The following MRGPRX4 variants were observed in gnomAD, a reference collection of about 807,000 sequenced individuals.
The protein encoded by MRGPRX4 is mas-related G protein-coupled receptor member X4.
MRGPRX4 carries 13 observed loss-of-function variants against 17.8 expected under a neutral mutation model. The observed-to-expected ratio is 0.73, with a 90% CI of 0.48 to 1.16. The LOEUF is 1.16. Among genes scored for constraint, MRGPRX4 ranks in the 50% most tolerant of loss-of-function variants. The pLI is 0.00. For missense variants in MRGPRX4, 399 were observed against 405.0 expected, an observed-to-expected ratio of 0.99 and a Z score of 0.13; for synonymous variants, 192 against 175.3, an observed-to-expected ratio of 1.10 and a Z score of -0.75.
In MRGPRX4 at chr11:18,173,365, A is replaced by G. The variant is rs151238670; in HGVS notation, c.109A>G (p.Ile37Val). The G allele has an allele frequency of 1.8e-4, 293 of 1,613,932 alleles. No homozygotes were observed. The highest frequency in any genetic ancestry group is 2.0e-4 in the African/African-American group (15 of 74,850). Residue 37 changes from isoleucine to valine, a missense_variant, in exon 1 of 1, where the codon ATT (isoleucine) becomes GTT (valine). Ile to Val is a conservative substitution (Grantham distance 29). Coordinates refer to ENST00000314254, the MANE Select transcript of MRGPRX4 (RefSeq NM_054032.3). ...GAGCTTCACGGTGCTGACGTGCATCATTTCCCTTGTCGGACTGACAGGAAA... is the reference window on the plus strand; with the variant it reads ...GAGCTTCACGGTGCTGACGTGCATCGTTTCCCTTGTCGGACTGACAGGAAA... ...TLSFTVLTCIISLVGLTGNAV... is the reference protein window; with the variant it reads ...TLSFTVLTCIVSLVGLTGNAV...
chr11:18,173,657 G>A lies in MRGPRX4; in HGVS notation c.401G>A (p.Arg134His), dbSNP rs754982763. Residue 134 changes from arginine to histidine, a missense_variant, in exon 1 of 1, where the codon CGC (arginine) becomes CAC (histidine). Transcript: ENST00000314254. Reference sequence around the variant, plus strand: ...TGGCCCATCTGGTACCGCTGCCGCCGCCCCACACACCTGTCAGCGGTCGTG... The same window carrying A: ...TGGCCCATCTGGTACCGCTGCCGCCACCCCACACACCTGTCAGCGGTCGTG... Reference protein sequence around the residue: ...VLWPIWYRCRRPTHLSAVVCV... With the variant: ...VLWPIWYRCRHPTHLSAVVCV... 1.9e-6 allele frequency: 3 copies of A among 1,614,112 alleles called. No homozygotes were observed. The highest frequency in any genetic ancestry group is 3.3e-5 in the Admixed American group (2 of 60,010).
rs548114552 is a variant in MRGPRX4 at position 18,173,513 on chromosome 11, G to A, written c.257G>A (p.Arg86His). 22 of 1,614,080 alleles carry A rather than the reference G, an allele frequency of 1.4e-5. No homozygotes were observed. Among genetic ancestry groups the A allele is most frequent in the South Asian group, 1.1e-4 (10 of 91,072 alleles). The part of the protein sequence containing the change: ...LSFQIIRLPL[R>H]LINISHLIRK... The stretch of plus-strand genomic sequence containing the variant: ...TTCCAGATTATACGTTTGCCATTAC[G>A]CCTCATCAATATCAGCCATCTCATC... Residue 86 changes from arginine to histidine, a missense_variant, in exon 1 of 1, where the codon CGC (arginine) becomes CAC (histidine). Transcript: ENST00000314254.
Position 18,173,293 on chromosome 11 carries a change from A to T in MRGPRX4, c.37A>T (p.Thr13Ser). Residue 13 changes from threonine to serine, a missense_variant, in exon 1 of 1, where the codon ACA becomes TCA. Coordinates refer to ENST00000314254, the MANE Select transcript of MRGPRX4 (RefSeq NM_054032.3). ...CGTCCCAGTCTTCGGTACAAAACTG[A>T]CACCAATCAACGGACGTGAGGAGAC... ...PTVPVFGTKL[T>S]PINGREETPC... is the part of the protein sequence containing the mutation. 6.2e-7 allele frequency: 1 copy of T among 1,612,348 alleles called. No homozygotes were observed. The highest frequency in any genetic ancestry group is 8.5e-7 in the Non-Finnish European group (1 of 1,179,068).
Position 18,173,767 on chromosome 11 carries a change from A to G in MRGPRX4, c.511A>G (p.Ser171Gly), listed in dbSNP as rs764820889. The change falls in exon 1 of 1, where the codon AGT (serine) becomes GGT (glycine). Residue 171 changes from serine (S) to glycine (G), a missense_variant. Ser to Gly is a moderately conservative substitution (Grantham distance 56, BLOSUM62 0). Coordinates refer to ENST00000314254, the MANE Select transcript of MRGPRX4 (RefSeq NM_054032.3). ...CDFLFSGADS[S>G]WCETSDFIPV... is the part of the protein sequence containing the mutation. Reference sequence around the variant, plus strand: ...CTTCCTGTTTAGTGGTGCTGATTCTAGTTGGTGTGAAACGTCAGATTTCAT... The same window carrying G: ...CTTCCTGTTTAGTGGTGCTGATTCTGGTTGGTGTGAAACGTCAGATTTCAT... 4 of 1,613,932 alleles carry G rather than the reference A, an allele frequency of 2.5e-6. No homozygotes were observed. Among genetic ancestry groups the G allele is most frequent in the African/African-American group, 1.3e-5 (1 of 74,874 alleles).
the MRGPRX4 span, chr11:18,174,057 CA>C: frequency 3.7e-6 from 6 of 1,614,104 alleles, no homozygotes; most frequent in African/African-American, 1.3e-5. Context: ...ACAGTAGTGC[CA>C]ACCCCATCAT....
chr11:18,173,783 C>T lies in MRGPRX4; in HGVS notation c.527C>T (p.Ser176Leu), dbSNP rs1849345350. 1.9e-6 allele frequency: 3 copies of T among 1,613,994 alleles called. No homozygotes were observed. The highest frequency in any genetic ancestry group is 2.7e-5 in the African/African-American group (2 of 74,902). ...SGADSSWCETSDFIPVAWLIF... is the reference protein window; with the variant it reads ...SGADSSWCETLDFIPVAWLIF... ...GCTGATTCTAGTTGGTGTGAAACGT[C>T]AGATTTCATCCCAGTCGCGTGGCTG... Residue 176 changes from serine (S) to leucine (L), a missense_variant, in exon 1 of 1, where the codon TCA (serine) becomes TTA (leucine). Physicochemically the swap from Ser to Leu is moderately radical, Grantham distance 145. Coordinates refer to ENST00000314254, the MANE Select transcript of MRGPRX4 (RefSeq NM_054032.3).
chr11:18,174,270 C>A lies in MRGPRX4; in HGVS notation c.*45C>A, dbSNP rs371598896. The A allele has an allele frequency of 3.2e-6, 5 of 1,563,070 alleles. No homozygotes were observed. The African/African-American group carries it at 5.5e-5, about 17-fold the overall frequency. ...CAGTCAGACGGGACTTTGAGAGCAACACTGTCCTGCCACCCTTGACAATTA... is the reference window on the plus strand; with the variant it reads ...CAGTCAGACGGGACTTTGAGAGCAAAACTGTCCTGCCACCCTTGACAATTA... On this transcript the variant is annotated 3_prime_UTR_variant, in exon 1 of 1. Transcript: ENST00000314254.
At position 18,173,980 on chromosome 11, in the gene MRGPRX4, A is replaced by G; in HGVS notation, c.724A>G (p.Met242Val). The G allele has an allele frequency of 1.9e-6, 3 of 1,614,122 alleles. No homozygotes were observed. Among genetic ancestry groups the G allele is most frequent in the Non-Finnish European group, 2.5e-6 (3 of 1,180,032 alleles). ...FGILGALIYRMHLNLEVLYCH... is the reference protein window; with the variant it reads ...FGILGALIYRVHLNLEVLYCH... ...CATTCTGGGGGCCCTAATTTACAGG[A>G]TGCACCTGAATTTGGAAGTCTTATA... The change falls in exon 1 of 1, where the codon ATG becomes GTG. Residue 242 changes from methionine (M) to valine (V), a missense_variant. Met to Val is a conservative substitution (Grantham distance 21). Transcript: ENST00000314254.
Position 18,173,949 on chromosome 11 carries a change from C to T in MRGPRX4, c.693C>T (p.Pro231=). The T allele has an allele frequency of 1.2e-6, 2 of 1,614,218 alleles. No individual in the cohort carries two copies. The highest frequency in any genetic ancestry group is 1.7e-6 in the Non-Finnish European group (2 of 1,180,050). Residue 231 remains proline (P), a synonymous_variant, in exon 1 of 1, where the codon CCC becomes CCT. Coordinates refer to ENST00000314254, the MANE Select transcript of MRGPRX4 (RefSeq NM_054032.3). Reference sequence around the variant, plus strand: ...TGGTCTTCCTCCTCTGCGGCCTGCCCTTCGGCATTCTGGGGGCCCTAATTT... The same window carrying T: ...TGGTCTTCCTCCTCTGCGGCCTGCCTTTCGGCATTCTGGGGGCCCTAATTT... ...TVLVFLLCGL[P]FGILGALIYR...
At position 18,173,632 on chromosome 11, in the gene MRGPRX4, T is replaced by C. The variant is rs1193943240; in HGVS notation, c.376T>C (p.Trp126Arg). The change falls in exon 1 of 1, where the codon TGG becomes CGG. Residue 126 changes from tryptophan to arginine, a missense_variant. Transcript: ENST00000314254. The part of the protein sequence containing the change: ...ISTERCLSVL[W>R]PIWYRCRRPT... ...CACCGAGCGCTGCCTGTCTGTTCTG[T>C]GGCCCATCTGGTACCGCTGCCGCCG... 1 of 1,614,158 alleles carries C rather than the reference T, an allele frequency of 6.2e-7. No homozygotes were observed. The highest frequency in any genetic ancestry group is 2.2e-5 in the East Asian group (1 of 44,886).
chr11:18,173,551 G>T lies in MRGPRX4; in HGVS notation c.295G>T (p.Val99Phe). ...CAGCCATCTCATCCGCAAAATCCTC[G>T]TTTCTGTGATGACCTTTCCCTACTT... is the stretch of plus-strand genomic sequence containing the variant. ...NISHLIRKIL[V>F]SVMTFPYFTG... The change falls in exon 1 of 1, where the codon GTT (valine) becomes TTT (phenylalanine). Residue 99 changes from valine (V) to phenylalanine (F), a missense_variant. Transcript: ENST00000314254. 1.2e-6 allele frequency: 2 copies of T among 1,613,986 alleles called. No homozygotes were observed. Among genetic ancestry groups the T allele is most frequent in the Non-Finnish European group, 1.7e-6 (2 of 1,179,992 alleles).
Position 18,173,748 on chromosome 11 carries a change from G to C in MRGPRX4, c.492G>C (p.Leu164=), listed in dbSNP as rs1849344806. 6.2e-7 allele frequency: 1 copy of C among 1,614,160 alleles called. No homozygotes were observed. The highest frequency in any genetic ancestry group is 1.3e-5 in the African/African-American group (1 of 75,040). ...SMLEWRFCDF[L]FSGADSSWCE... Reference sequence around the variant, plus strand: ...TGGAGTGGAGGTTCTGTGACTTCCTGTTTAGTGGTGCTGATTCTAGTTGGT... The same window carrying C: ...TGGAGTGGAGGTTCTGTGACTTCCTCTTTAGTGGTGCTGATTCTAGTTGGT... The change falls in exon 1 of 1, where the codon CTG becomes CTC. Residue 164 remains leucine (L), a synonymous_variant. Coordinates refer to ENST00000314254, the MANE Select transcript of MRGPRX4 (RefSeq NM_054032.3).
Position 18,173,189 on chromosome 11 carries a change from A to G in MRGPRX4, c.-68A>G, listed in dbSNP as rs1849336356. ...ATACGGCAGGGTGGTGGGGAGAATC[A>G]GAGATGATACAGCTGGTGATCACAT... On this transcript the variant is annotated 5_prime_UTR_variant, in exon 1 of 1. Coordinates refer to ENST00000314254, the MANE Select transcript of MRGPRX4 (RefSeq NM_054032.3). 1.3e-6 allele frequency: 2 copies of G among 1,519,338 alleles called. No individual in the cohort carries two copies. The highest frequency in any genetic ancestry group is 4.3e-5 in the Admixed American group (2 of 46,570). The allele number at this position is 1,519,338 out of a possible 1,614,324, so 94.1% of individuals were successfully genotyped here.
At position 18,174,050 on chromosome 11, in the gene MRGPRX4, G is replaced by A; in HGVS notation, c.794G>A (p.Ser265Asn). 1 of 1,614,202 alleles carries A rather than the reference G, an allele frequency of 6.2e-7. No individual in the cohort carries two copies. The highest frequency in any genetic ancestry group is 2.2e-5 in the East Asian group (1 of 44,890). The part of the protein sequence containing the change: ...LVCMSLSSLN[S>N]SANPIIYFFV... ...TGCATGTCCCTGTCCTCTCTAAACAGTAGTGCCAACCCCATCATTTACTTC... is the reference window on the plus strand; with the variant it reads ...TGCATGTCCCTGTCCTCTCTAAACAATAGTGCCAACCCCATCATTTACTTC... Residue 265 changes from serine to asparagine, a missense_variant, in exon 1 of 1, where the codon AGT (serine) becomes AAT (asparagine). By Grantham distance (46) the Ser-to-Asn change is conservative (BLOSUM62 1). Coordinates refer to ENST00000314254, the MANE Select transcript of MRGPRX4 (RefSeq NM_054032.3).
In MRGPRX4 at chr11:18,174,190, A is replaced by C; in HGVS notation, c.934A>C (p.Ser312Arg). 1.2e-6 allele frequency: 2 copies of C among 1,613,884 alleles called. No individual in the cohort carries two copies. Residue 312 changes from serine to arginine, a missense_variant, in exon 1 of 1, where the codon AGC (serine) becomes CGC (arginine). Physicochemically the swap from Ser to Arg is moderately radical, Grantham distance 110. Coordinates refer to ENST00000314254, the MANE Select transcript of MRGPRX4 (RefSeq NM_054032.3). ...DKGEGQLPEE[S>R]LELSGSRLGP The stretch of plus-strand genomic sequence containing the variant: ...AGGTGAAGGGCAGCTTCCTGAGGAA[A>C]GCCTGGAGCTGTCGGGAAGCAGATT...
rs1456452766 is a variant in MRGPRX4 at position 18,173,577 on chromosome 11, T to C, written c.321T>C (p.Phe107=). 6.2e-7 allele frequency: 1 copy of C among 1,614,146 alleles called. No individual in the cohort carries two copies. Among genetic ancestry groups the C allele is most frequent in the Admixed American group, 1.7e-5 (1 of 60,026 alleles). The change falls in exon 1 of 1, where the codon TTT becomes TTC. Residue 107 remains phenylalanine (F), a synonymous_variant. Transcript: ENST00000314254. ...ILVSVMTFPY[F]TGLSMLSAIS... ...TTTCTGTGATGACCTTTCCCTACTT[T>C]ACAGGCCTGAGTATGCTGAGCGCCA...
chr11:18,173,420 G>A lies in MRGPRX4; in HGVS notation c.164G>A (p.Arg55His), dbSNP rs1343924266. 2.5e-6 allele frequency: 4 copies of A among 1,614,158 alleles called. No individual in the cohort carries two copies. The highest frequency in any genetic ancestry group is 2.7e-5 in the African/African-American group (2 of 75,018). The change falls in exon 1 of 1, where the codon CGC (arginine) becomes CAC (histidine). Residue 55 changes from arginine (R) to histidine (H), a missense_variant. Physicochemically the swap from Arg to His is conservative, Grantham distance 29. Coordinates refer to ENST00000314254, the MANE Select transcript of MRGPRX4 (RefSeq NM_054032.3). ...NAVVLWLLGY[R>H]MRRNAVSIYI... ...GTTGTGCTCTGGCTCCTGGGCTACC[G>A]CATGCGCAGGAACGCTGTCTCCATC...
chr11:18,174,221 C>A lies in MRGPRX4; in HGVS notation c.965C>A (p.Pro322Gln). The change falls in exon 1 of 1, where the codon CCA (proline) becomes CAA (glutamine). Residue 322 changes from proline to glutamine, a missense_variant. Coordinates refer to ENST00000314254, the MANE Select transcript of MRGPRX4 (RefSeq NM_054032.3). ...GAGCTGTCGGGAAGCAGATTGGGGC[C>A]ATGAGGGAGAGCCTCTGCCCTGTCA... ...SLELSGSRLG[P>Q] 5 of 1,611,168 alleles carry A rather than the reference C, an allele frequency of 3.1e-6. No homozygotes were observed. Among genetic ancestry groups the A allele is most frequent in the Admixed American group, 1.7e-5 (1 of 59,794 alleles).
In MRGPRX4 at chr11:18,174,240, C is replaced by T. The variant is rs1415160980; in HGVS notation, c.*15C>T. The stretch of plus-strand genomic sequence containing the variant: ...TGGGGCCATGAGGGAGAGCCTCTGC[C>T]CTGTCAGTCAGACGGGACTTTGAGA... On this transcript the variant is annotated 3_prime_UTR_variant, in exon 1 of 1. Transcript: ENST00000314254. 3.1e-6 allele frequency: 5 copies of T among 1,598,504 alleles called. No individual in the cohort carries two copies. The highest frequency in any genetic ancestry group is 4.3e-6 in the Non-Finnish European group (5 of 1,171,298).
Sources: gnomAD v4.1 joint callset for allele counts on GRCh38, gnomAD v4.1.1 for gene constraint, MANE v1.5 for transcripts, NCBI Gene and HGNC (gene_info 2026-07-23, HGNC 2026-07-21) for gene names.